Variants in WDTC1 observed in about 807,000 individuals in gnomAD.
WDTC1 encodes the protein WD and tetratricopeptide repeats 1, also known as WD and tetratricopeptide repeats protein 1.
Under a neutral mutation model 76.0 loss-of-function variants are expected in WDTC1, and 12 were observed. The observed-to-expected ratio is 0.16, with a 90% CI of 0.10 to 0.26. The LOEUF is 0.26. Among genes scored for constraint, WDTC1 ranks in the 10% least tolerant of loss-of-function variants. The pLI is 1.00. For synonymous variants in WDTC1, 326 were observed against 350.8 expected (o/e 0.93, Z 0.79); for missense variants, 511 against 908.8 (o/e 0.56, Z 5.63).
intron 3 of WDTC1, among the ~76,000 whole-genome samples, chr1:27,275,429 C>T (rs557525267): frequency 6.6e-6 from 1 of 152,026 alleles, no homozygotes; most frequent in South Asian, 2.1e-4. Flanking sequence ...GCCAGCCTGG[C>T]CAACATGGTG....
chr1:27,269,673 G>C (rs965900882), intron 3 of WDTC1, among the ~76,000 whole-genome samples: 14 of 132,164 alleles, frequency 1.1e-4, no homozygotes, highest in Non-Finnish European at 1.7e-4. Flanking sequence ...GGAGTGCAGT[G>C]GCACAATCTT....
rs530220222 is a variant in WDTC1 at position 27,283,142 on chromosome 1, A to C, written c.180-196A>C. ...GGACAGAGCGAGACTCCATTTCAAA[A>C]AAAAAAAAAAGAATAATGGAAATTT... On this transcript the variant is annotated intron_variant, in intron 4 of 15. Coordinates refer to ENST00000319394, the MANE Select transcript of WDTC1 (RefSeq NM_001276252.2). Among the ~76,000 whole-genome samples, 12 of 152,076 alleles carry C rather than the reference A, an allele frequency of 7.9e-5. No individual in the cohort carries two copies. The East Asian group carries it at 2.3e-3, about 29-fold the overall frequency.
At chr1:27,277,880 GC>G (rs1183309866) in intron 3 of WDTC1, among the ~76,000 whole-genome samples, 2 of 151,940 alleles carry the variant, frequency 1.3e-5, no homozygotes, top group African/African-American at 4.8e-5. Context: ...TCACTCTGTT[GC>G]CCAGGCTGGA....
chr1:27,244,768 C>T (rs2011756932), intron 1 of WDTC1, among the ~76,000 whole-genome samples: 1 of 152,156 alleles, frequency 6.6e-6, no homozygotes, highest in Non-Finnish European at 1.5e-5. Context: ...TGAAAGGAAA[C>T]TTGCATACAT....
In WDTC1 at chr1:27,301,140, G is replaced by A; in HGVS notation, c.1233-86G>A. 8.4e-7 allele frequency: 1 copy of A among 1,184,228 alleles called. No individual in the cohort carries two copies. Among genetic ancestry groups the A allele is most frequent in the Non-Finnish European group, 1.2e-6 (1 of 820,610 alleles). The allele number at this position is 1,184,228 out of a possible 1,614,324, so 73.4% of individuals were successfully genotyped here. ...AGATCTGTCAGTGGTGGGCTGGGGTGGCCACAGGAAGCAGAGGAGACTGAA... is the reference window on the plus strand; with the variant it reads ...AGATCTGTCAGTGGTGGGCTGGGGTAGCCACAGGAAGCAGAGGAGACTGAA... On this transcript the variant is annotated intron_variant, in intron 12 of 15. Coordinates refer to ENST00000319394, the MANE Select transcript of WDTC1 (RefSeq NM_001276252.2). The surrounding 1 kb of genome is among the most constrained non-coding windows in gnomAD (Gnocchi z 5.8).
chr1:27,258,156 T>TGG (rs1458507169), intron 1 of WDTC1, among the ~76,000 whole-genome samples: 24 of 150,952 alleles, frequency 1.6e-4, no homozygotes, highest in Non-Finnish European at 3.0e-4. Flanking sequence ...CCCAGCACTT[T>TGG]GGGAGGCCAA....
chr1:27,300,462 G>A (rs956771130), intron 12 of WDTC1, among the ~76,000 whole-genome samples: 7 of 152,082 alleles, frequency 4.6e-5, no homozygotes, highest in Non-Finnish European at 8.8e-5. Flanking sequence ...GGAAAAGGAG[G>A]GGCTTCTCTG....
intron 12 of WDTC1, among the ~76,000 whole-genome samples, chr1:27,299,177 T>A (rs1283616539): frequency 6.6e-6 from 1 of 152,186 alleles, no homozygotes; most frequent in Admixed American, 6.5e-5. Flanking sequence ...GGTTGGTGAT[T>A]TCCTAATCCA....
chr1:27,290,046 TGGGGAG>T (rs908363945), intron 6 of WDTC1, among the ~76,000 whole-genome samples: 7 of 133,990 alleles, frequency 5.2e-5, no homozygotes, highest in African/African-American at 2.0e-4. Context: ...AGGGAGACCG[TGGGGAG>T]GGGGAGGGGG....
At chr1:27,249,165 A>G (rs2011951168) in intron 1 of WDTC1, among the ~76,000 whole-genome samples, 1 of 151,354 alleles carries the variant, frequency 6.6e-6, no homozygotes, top group South Asian at 2.1e-4. Context: ...GCTACTCCGG[A>G]GGCTGAGGCA....
intron 1 of WDTC1, among the ~76,000 whole-genome samples, chr1:27,254,119 A>AG (rs1410927159): frequency 6.6e-6 from 1 of 152,200 alleles, no homozygotes; most frequent in Non-Finnish European, 1.5e-5. Context: ...AAAACAAAAA[A>AG]AAGAAAAAAA....
intron 1 of WDTC1, among the ~76,000 whole-genome samples, chr1:27,250,058 C>T (rs972889001): frequency 5.3e-5 from 8 of 152,030 alleles, no homozygotes; most frequent in African/African-American, 1.4e-4. Flanking sequence ...GAAATTGGGG[C>T]GGGGGAAATG....
chr1:27,254,747 C>T (rs1318885801), intron 1 of WDTC1, among the ~76,000 whole-genome samples: 2 of 152,156 alleles, frequency 1.3e-5, no homozygotes, highest in Non-Finnish European at 2.9e-5. Flanking sequence ...ATTCTCCTGC[C>T]TCAGCCTCCC....
intron 6 of WDTC1, among the ~76,000 whole-genome samples, chr1:27,289,038 C>T (rs2013437323): frequency 1.3e-5 from 2 of 148,866 alleles, no homozygotes; most frequent in Admixed American, 6.7e-5. Context: ...GGGGCTGACC[C>T]CCCCACCTCC....
chr1:27,281,439 CAAAAA>C (rs891009695), intron 3 of WDTC1, among the ~76,000 whole-genome samples: 3 of 61,260 alleles, frequency 4.9e-5, no homozygotes, highest in Admixed American at 1.8e-4. Flanking sequence ...GACTCTGTCT[CAAAAA>C]AAAAAAAAAA....
At chr1:27,296,284 C>G (rs1283052416) in intron 9 of WDTC1, 42 bp from the exon 10 acceptor site, 2 of 1,612,116 alleles carry the variant, frequency 1.2e-6, no homozygotes, top group East Asian at 2.2e-5. Context: ...CACATCCTTA[C>G]CTCACAGCTT....
At chr1:27,293,983 T>G (rs1378148480) in intron 7 of WDTC1, 39 bp from the exon 8 acceptor site, 1 of 1,593,820 alleles carries the variant, frequency 6.3e-7, no homozygotes, top group Admixed American at 1.7e-5. Flanking sequence ...CCAGGGGCAG[T>G]GCTGTAACTT....
chr1:27,277,168 G>T (rs1197390180), intron 3 of WDTC1, among the ~76,000 whole-genome samples: 1 of 151,996 alleles, frequency 6.6e-6, no homozygotes, highest in Admixed American at 6.6e-5. Flanking sequence ...GAGTAGCTGG[G>T]ACTGCAGGCG....
chr1:27,270,124 G>A (rs1431743920), intron 3 of WDTC1, among the ~76,000 whole-genome samples: 5 of 151,864 alleles, frequency 3.3e-5, no homozygotes, highest in Non-Finnish European at 7.4e-5. Flanking sequence ...GGGTTTTACC[G>A]TGTTGCCCAG....
Sources: gnomAD v4.1 joint callset for allele counts (sites outside exome capture counted in the v4.1 genomes callset) on GRCh38, gnomAD v4.1.1 for gene constraint, Gnocchi (gnomAD v3.1) non-coding constraint, MANE v1.5 for transcripts, NCBI Gene and HGNC (gene_info 2026-07-23, HGNC 2026-07-21) for gene names.